CCDC171: variants seen among roughly 807,000 people sequenced by gnomAD.
The protein encoded by CCDC171 is coiled-coil domain containing 171.
CCDC171 carries 177 observed loss-of-function variants against 168.2 expected under a neutral mutation model. The observed-to-expected ratio is 1.05, with a 90% CI of 0.93 to 1.19. The LOEUF (loss-of-function observed/expected upper bound fraction) is 1.19. CCDC171 is among the 50% of genes most tolerant of loss of function. CCDC171 has a pLI of 0.00. For missense variants in CCDC171, 1,991 were observed against 1,539.0 expected (o/e 1.29, Z -4.91); for synonymous variants, 687 against 540.8 (o/e 1.27, Z -3.75).
Position 15,744,309 on chromosome 9 carries a change from T to G in CCDC171, c.2086T>G (p.Leu696Val). The change falls in exon 17 of 26, where the codon TTG (leucine) becomes GTG (valine). Residue 696 changes from leucine (L) to valine (V), a missense_variant. Physicochemically the swap from Leu to Val is conservative, Grantham distance 32 (BLOSUM62 1). Transcript: ENST00000380701. ...AATTGCTGAAAAAAACATGGAAAAA[T>G]TGAACCATATTGAGAAGTCACATGA... is the stretch of plus-strand genomic sequence containing the variant. ...QEIAEKNMEK[L>V]NHIEKSHEQL... 6.3e-7 allele frequency: 1 copy of G among 1,587,872 alleles called. No individual in the cohort carries two copies. The highest frequency in any genetic ancestry group is 1.4e-5 in the African/African-American group (1 of 73,526).
chr9:15,775,470 C>T lies in CCDC171; in HGVS notation c.2672-2130C>T, dbSNP rs1588428047. ...AGTAGCTGGGATTACAGGCACGTGCCACCACGCCCGGCTAATTTTTTGTAT... is the reference window on the plus strand; with the variant it reads ...AGTAGCTGGGATTACAGGCACGTGCTACCACGCCCGGCTAATTTTTTGTAT... On this transcript the variant is annotated intron_variant, in intron 18 of 25. Coordinates refer to ENST00000380701, the MANE Select transcript of CCDC171 (RefSeq NM_173550.4). 2.0e-5 allele frequency among the ~76,000 whole-genome samples: 3 copies of T among 152,254 alleles called. No individual in the cohort carries two copies. The South Asian group carries it at 6.2e-4, about 32-fold the overall frequency.
In CCDC171 at chr9:15,930,326, A is replaced by G. The variant is rs746085119; in HGVS notation, c.3753+9904A>G. On this transcript the variant is annotated intron_variant, in intron 25 of 25. Coordinates refer to ENST00000380701, the MANE Select transcript of CCDC171 (RefSeq NM_173550.4). ...AATGAAAATGAGTAGAATAATTTAC[A>G]TATTCTATATATGGTAAAATTTTAA... is the stretch of plus-strand genomic sequence containing the variant. Among the ~76,000 whole-genome samples the G allele has an allele frequency of 2.0e-4, 31 of 151,722 alleles. 1 individual carries two copies. Among genetic ancestry groups the G allele is most frequent in the Admixed American group, 1.1e-3 (16 of 15,174 alleles).
intron 10 of CCDC171, among the ~76,000 whole-genome samples, chr9:15,691,067 A>G (rs1281568433): frequency 2.0e-5 from 3 of 152,174 alleles, no homozygotes; most frequent in Non-Finnish European, 4.4e-5. Context: ...CTTTTGCCTC[A>G]TTAAATCTAT....
At chr9:15,786,545 AT>A (rs2057966136) in intron 21 of CCDC171, among the ~76,000 whole-genome samples, 1 of 152,122 alleles carries the variant, frequency 6.6e-6, no homozygotes, top group Non-Finnish European at 1.5e-5. Flanking sequence ...TTCAAACACC[AT>A]GTCAAGGATT....
At chr9:15,877,461 T>C (rs1818002744) in intron 24 of CCDC171, among the ~76,000 whole-genome samples, 1 of 152,186 alleles carries the variant, frequency 6.6e-6, no homozygotes, top group Non-Finnish European at 1.5e-5. Context: ...ATTTAGTTTC[T>C]TCACCCTTCC....
chr9:15,568,357 G>A (rs536392815), intron 2 of CCDC171, among the ~76,000 whole-genome samples: 2 of 145,388 alleles, frequency 1.4e-5, no homozygotes, highest in East Asian at 2.1e-4. Context: ...TGCAAGCTCC[G>A]CCTCCCGGGC....
chr9:15,681,765 T>G (rs2050056171), intron 10 of CCDC171, among the ~76,000 whole-genome samples: 1 of 152,138 alleles, frequency 6.6e-6, no homozygotes, highest in Non-Finnish European at 1.5e-5. Flanking sequence ...GTTTTTCTAG[T>G]TCTGCATTCA....
intron 21 of CCDC171, among the ~76,000 whole-genome samples, chr9:15,817,794 C>G (rs1262873413): frequency 8.4e-6 from 1 of 118,448 alleles, no homozygotes; most frequent in Non-Finnish European, 1.9e-5. Context: ...CAAAAGGCAG[C>G]AATAACCTCT....
intron 3 of CCDC171, among the ~76,000 whole-genome samples, chr9:15,988,998 G>T (rs2132899185): frequency 6.6e-6 from 1 of 152,320 alleles, no homozygotes; most frequent in East Asian, 1.9e-4. Flanking sequence ...CTCCACCTCT[G>T]GGGGCAGGGC....
downstream of CCDC171, among the ~76,000 whole-genome samples, chr9:15,975,428 G>A (rs1302498894): frequency 1.3e-5 from 2 of 152,150 alleles, no homozygotes; most frequent in South Asian, 2.1e-4. Context: ...TGATAAGTAT[G>A]TTTTGGTTTG....
Position 15,757,135 on chromosome 9 carries a change from T to C in CCDC171, c.2671+11504T>C, listed in dbSNP as rs764216419. Among the ~76,000 whole-genome samples, 11 of 152,184 alleles carry C rather than the reference T, an allele frequency of 7.2e-5. No homozygotes were observed. In the South Asian group the frequency reaches 1.2e-3, roughly 17 times the overall value. Reference sequence around the variant, plus strand: ...GAAAATGTTTAAGCGACTTTGGAACTGGGTAACAGGCAGAGGTTGAAACAG... The same window carrying C: ...GAAAATGTTTAAGCGACTTTGGAACCGGGTAACAGGCAGAGGTTGAAACAG... On this transcript the variant is annotated intron_variant, in intron 18 of 25. Transcript: ENST00000380701.
chr9:15,982,768 C>G (rs539121187), intron 3 of CCDC171, among the ~76,000 whole-genome samples: 1 of 152,174 alleles, frequency 6.6e-6, no homozygotes, highest in African/African-American at 2.4e-5. Context: ...CTTAATTTTC[C>G]AGTTTAAGAA....
rs539757642 is a variant in CCDC171 at position 15,679,764 on chromosome 9, G to T, written c.1215+868G>T. Among the ~76,000 whole-genome samples, 583 of 152,186 alleles carry T rather than the reference G, an allele frequency of 3.8e-3. 2 individuals carry two copies. The highest frequency in any genetic ancestry group is 0.024 in the Middle Eastern group (7 of 292). ...AGGTCTCGCTATGTTGGCCAGGCTG[G>T]CACCAAACAAGTGGCCTCAAGTGGT... On this transcript the variant is annotated intron_variant, in intron 10 of 25. Coordinates refer to ENST00000380701, the MANE Select transcript of CCDC171 (RefSeq NM_173550.4).
intron 7 of CCDC171, 29 bp downstream of exon 7, chr9:15,623,442 T>C (rs746637719): frequency 6.9e-7 from 1 of 1,449,610 alleles, no homozygotes; most frequent in Non-Finnish European, 9.3e-7. Context: ...TTATAATATA[T>C]ATGCGTACAA....
intron 1 of CCDC171, among the ~76,000 whole-genome samples, chr9:16,053,068 C>T (rs1833777899): frequency 6.6e-6 from 1 of 152,194 alleles, no homozygotes; most frequent in Non-Finnish European, 1.5e-5. Context: ...GTCTCATATC[C>T]ACAGGAATAA....
downstream of CCDC171, among the ~76,000 whole-genome samples, chr9:15,974,650 A>G (rs1831566954): frequency 6.6e-6 from 1 of 152,234 alleles, no homozygotes; most frequent in South Asian, 2.1e-4. Flanking sequence ...TTGGAATGAC[A>G]TAATATAAAA....
At chr9:15,575,503 G>A (rs1451557429) in intron 3 of CCDC171, among the ~76,000 whole-genome samples, 3 of 152,120 alleles carry the variant, frequency 2.0e-5, no homozygotes, top group Admixed American at 6.6e-5. Context: ...AAAAAATACT[G>A]GAAACTTAGG....
intron 2 of CCDC171, 27 bp downstream of exon 2, chr9:15,564,156 T>C (rs368622329): frequency 1.3e-6 from 2 of 1,570,390 alleles, no homozygotes; most frequent in African/African-American, 1.4e-5. Flanking sequence ...TTCTTTTAGT[T>C]GATGAACGTT....
rs1272846570 is a variant in CCDC171 at position 15,784,625 on chromosome 9, G to A, written c.3198G>A (p.Leu1066=). 4 of 1,613,354 alleles carry A rather than the reference G, an allele frequency of 2.5e-6. No individual in the cohort carries two copies. The highest frequency in any genetic ancestry group is 4.5e-5 in the East Asian group (2 of 44,842). ...LNEQAQQLQE[L]NYKLELHSSE... ...AACAGGCACAACAACTACAGGAATT[G>A]AATTATAAACTTGAATTGCACTCCA... The change falls in exon 21 of 26, where the codon TTG becomes TTA. Residue 1066 remains leucine (L), a synonymous_variant. Transcript: ENST00000380701.
Sources: allele counts gnomAD v4.1 joint callset (sites outside exome capture counted in the v4.1 genomes callset), GRCh38; gene constraint gnomAD v4.1.1; transcripts MANE v1.5; gene names NCBI Gene and HGNC (gene_info 2026-07-23, HGNC 2026-07-21).